Variants in ZNF69 observed in about 807,000 individuals in gnomAD.
ZNF69 encodes zinc finger protein 69, also known as ZNF3.
Under a neutral mutation model 50.9 loss-of-function variants are expected in ZNF69, and 47 were observed. The ratio of observed to expected loss-of-function variants is 0.92; its 90% CI spans 0.73 to 1.18. The LOEUF is 1.18. ZNF69 is among the 50% of genes most tolerant of loss of function. The pLI, the probability that ZNF69 is intolerant of heterozygous loss-of-function variation, is 0.00. For synonymous variants in ZNF69, 216 were observed against 223.1 expected, an observed-to-expected ratio of 0.97 and a Z score of 0.29; for missense variants, 717 against 675.1, an observed-to-expected ratio of 1.06 and a Z score of -0.69.
chr19:11,917,635 A>ATTTGTTTGTTTGTTTG (rs113207777), downstream of ZNF69, among the ~76,000 whole-genome samples: 18 of 151,204 alleles, frequency 1.2e-4, no homozygotes, highest in African/African-American at 2.7e-4. Context: ...GAATTTATTT[A>ATTTGTTTGTTTGTTTG]TTTGTTTGTT....
chr19:11,903,381 C>G (rs1375962745), intron 1 of ZNF69, among the ~76,000 whole-genome samples, 192 bp from the exon 2 acceptor site: 1 of 152,200 alleles, frequency 6.6e-6, no homozygotes, highest in Admixed American at 6.5e-5. Context: ...GCACTCCAGC[C>G]TGGGCAATAA....
intron 1 of ZNF69, among the ~76,000 whole-genome samples, chr19:11,894,750 G>A (rs1274854743): frequency 6.6e-6 from 1 of 152,162 alleles, no homozygotes; most frequent in African/African-American, 2.4e-5. Context: ...GAGATGCTCA[G>A]CTTTTCTTTC....
downstream of ZNF69, among the ~76,000 whole-genome samples, chr19:11,910,957 AAC>A (rs1972449403): frequency 1.3e-5 from 2 of 152,214 alleles, no homozygotes; most frequent in South Asian, 4.1e-4. Context: ...ATCTACAAAG[AAC>A]TTAAACAAAT....
At chr19:11,892,065 C>T (rs1051879751) in intron 1 of ZNF69, among the ~76,000 whole-genome samples, 1 of 151,890 alleles carries the variant, frequency 6.6e-6, no homozygotes, top group African/African-American at 2.4e-5. Context: ...GCAGCCTTGA[C>T]CTCCCTGGCT....
the ZNF69 span, chr19:11,961,538 T>C: frequency 6.6e-6 from 1 of 152,246 alleles, no homozygotes; most frequent in East Asian, 1.9e-4. Flanking sequence ...CTTGGACCCA[T>C]TGTGAGAATA....
At chr19:11,914,901 G>C (rs893057130), downstream of ZNF69, among the ~76,000 whole-genome samples, 7 of 152,132 alleles carry the variant, frequency 4.6e-5, no homozygotes, top group Non-Finnish European at 1.0e-4. Context: ...TCAGAGCAGG[G>C]AAGACAGGGC....
At chr19:11,977,370 G>T in the ZNF69 span, 1 of 1,613,584 alleles carries the variant, frequency 6.2e-7, no homozygotes. Context: ...CTGTATTTTA[G>T]GGAAAAAGTG....
At chr19:11,919,257 G>T (rs2145261317), downstream of ZNF69, among the ~76,000 whole-genome samples, 1 of 151,946 alleles carries the variant, frequency 6.6e-6, no homozygotes, top group East Asian at 1.9e-4. Context: ...CCATGTAGTG[G>T]CTCTGGCAGC....
At chr19:11,923,503 G>A in the ZNF69 span, among the ~76,000 whole-genome samples, 1 of 152,178 alleles carries the variant, frequency 6.6e-6, no homozygotes, top group Non-Finnish European at 1.5e-5. Flanking sequence ...GAGCCGCACT[G>A]CTGCAGAGCC....
At chr19:11,890,868 C>T (rs1005303323) in intron 1 of ZNF69, among the ~76,000 whole-genome samples, 1 of 152,086 alleles carries the variant, frequency 6.6e-6, no homozygotes, top group African/African-American at 2.4e-5. Context: ...ATGCAGTCGC[C>T]TTATTTGGAC....
chr19:11,970,563 C>G, the ZNF69 span, among the ~76,000 whole-genome samples: 1 of 152,130 alleles, frequency 6.6e-6, no homozygotes, highest in African/African-American at 2.4e-5. Context: ...CTGTAGATAA[C>G]CATTTGTCCC....
chr19:11,960,980 C>A, the ZNF69 span, among the ~76,000 whole-genome samples: 1 of 152,116 alleles, frequency 6.6e-6, no homozygotes, highest in Admixed American at 6.5e-5. Flanking sequence ...TTACTCTCCT[C>A]GAAATATATA....
chr19:11,955,744 G>A, the ZNF69 span, among the ~76,000 whole-genome samples: 2 of 152,074 alleles, frequency 1.3e-5, no homozygotes, highest in Admixed American at 1.3e-4. Context: ...ACAAAGATTC[G>A]GAAAAATATC....
At chr19:11,895,078 CTG>C (rs1310714224) in intron 1 of ZNF69, among the ~76,000 whole-genome samples, 8 of 152,222 alleles carry the variant, frequency 5.3e-5, no homozygotes, top group Non-Finnish European at 1.0e-4. Flanking sequence ...TCAGACATCA[CTG>C]TGTTCCAGCC....
chr19:11,971,792 G>A, the ZNF69 span, among the ~76,000 whole-genome samples: 8 of 152,072 alleles, frequency 5.3e-5, no homozygotes, highest in South Asian at 2.1e-4. Context: ...GGCCGGGCGC[G>A]GTGGCTCACG....
the ZNF69 span, chr19:11,950,048 C>A: frequency 1.2e-6 from 2 of 1,614,074 alleles, no homozygotes; most frequent in Non-Finnish European, 1.7e-6. Flanking sequence ...GGAGAGAAGC[C>A]CTATGAATGT....
At chr19:11,928,182 C>G in the ZNF69 span, among the ~76,000 whole-genome samples, 3 of 152,136 alleles carry the variant, frequency 2.0e-5, no homozygotes, top group Middle Eastern at 6.8e-3. Context: ...GGTTAGGTCT[C>G]GTTATGTTGC....
Position 11,887,989 on chromosome 19 carries a change from G to A in ZNF69, c.63+3G>A, listed in dbSNP as rs1399595254. 5 of 1,611,572 alleles carry A rather than the reference G, an allele frequency of 3.1e-6. No homozygotes were observed. The African/African-American group carries it at 5.3e-5, about 17-fold the overall frequency. On this transcript the variant is annotated splice_donor_region_variant and intron_variant, in intron 1 of 3. Coordinates refer to ENST00000429654, the MANE Select transcript of ZNF69 (RefSeq NM_001364730.1). Reference sequence around the variant, plus strand: ...GGACATCTGAAAGCCAGGAAATGGTGCGTGTCTGGGGCCGGGTGTCGTGAG... The same window carrying A: ...GGACATCTGAAAGCCAGGAAATGGTACGTGTCTGGGGCCGGGTGTCGTGAG...
chr19:11,915,855 G>T (rs1972517226), downstream of ZNF69, among the ~76,000 whole-genome samples: 1 of 152,148 alleles, frequency 6.6e-6, no homozygotes, highest in South Asian at 2.1e-4. Flanking sequence ...AGTGTGCTGA[G>T]ATCGCGCCAT....
Sources: gnomAD v4.1 joint callset for allele counts (sites outside exome capture counted in the v4.1 genomes callset) on GRCh38, gnomAD v4.1.1 for gene constraint, MANE v1.5 for transcripts, NCBI Gene and HGNC (gene_info 2026-07-23, HGNC 2026-07-21) for gene names.